The following OR6J1 variants were observed in gnomAD, a reference collection of about 807,000 sequenced individuals.
OR6J1 encodes olfactory receptor family 6 subfamily J member 1.
For synonymous variants in OR6J1, 109 were observed against 70.0 expected, an observed-to-expected ratio of 1.56 and a Z score of -2.78; for missense variants, 304 against 166.8, an observed-to-expected ratio of 1.82 and a Z score of -4.53.
At chr14:22,642,365 G>T (rs1249428528) in intron 1 of OR6J1, among the ~76,000 whole-genome samples, 1 of 121,504 alleles carries the variant, frequency 8.2e-6, no homozygotes, top group African/African-American at 3.6e-5. Context: ...TTGAGATGGA[G>T]TCTCGCTCTG....
intron 1 of OR6J1, among the ~76,000 whole-genome samples, chr14:22,637,940 G>A (rs1490514073): frequency 3.4e-5 from 3 of 87,408 alleles, no homozygotes; most frequent in Non-Finnish European, 6.5e-5. Flanking sequence ...CGCCCCGTCC[G>A]GGAGGTGAGG....
rs1281946447 is a variant in OR6J1 at position 22,644,081 on chromosome 14, G to A, written c.-28+17C>T. On this transcript the variant is annotated intron_variant, in intron 1 of 1. Coordinates refer to ENST00000540461, the MANE Select transcript of OR6J1 (RefSeq NM_001348233.2). ...CCCAGCCAGCCCCCAAATGCCAAAC[G>A]ATTGGTCTGCACTCACCTCGGCTAG... 1.1e-4 allele frequency: 16 copies of A among 152,344 alleles called. No individual in the cohort carries two copies. The highest frequency in any genetic ancestry group is 9.2e-4 in the Admixed American group (14 of 15,282). 9.4% of individuals were successfully genotyped at this position (152,344 alleles called of 1,614,324 possible).
At chr14:22,641,210 T>TAGA (rs1555310963) in intron 1 of OR6J1, among the ~76,000 whole-genome samples, 7 of 122,480 alleles carry the variant, frequency 5.7e-5, no homozygotes, top group Admixed American at 9.0e-5. Context: ...GAGAGAAAGA[T>TAGA]AAGAAAGAAA....
In OR6J1 at chr14:22,634,134, G is replaced by A. The variant is rs1566394034; in HGVS notation, c.678C>T (p.Arg226=). 4.3e-6 allele frequency: 3 copies of A among 703,348 alleles called. No individual in the cohort carries two copies. Among genetic ancestry groups the A allele is most frequent in the Non-Finnish European group, 7.8e-6 (3 of 384,960 alleles). The allele number at this position is 703,348 out of a possible 1,614,324, so 43.6% of individuals were successfully genotyped here. A position where few individuals can be genotyped will look rare whatever the true frequency, so the allele number is the denominator to read the frequency against. The change falls in exon 2 of 2, where the codon CGC becomes CGT. Residue 226 remains arginine (R), a synonymous_variant. Coordinates refer to ENST00000540461, the MANE Select transcript of OR6J1 (RefSeq NM_001348233.2). The part of the protein sequence containing the change: ...SYTYIILTIV[R]IPSASGRKKA... ...TCTTCCTTCCACTTGCAGAAGGAAT[G>A]CGCACTATGGTCAAGATGATGTACG... is the stretch of plus-strand genomic sequence containing the variant.
chr14:22,634,828 G>C lies in OR6J1; in HGVS notation c.-17C>G, dbSNP rs769309290. The C allele has an allele frequency of 1.5e-6, 1 of 662,086 alleles. No individual in the cohort carries two copies. The highest frequency in any genetic ancestry group is 1.7e-5 in the South Asian group (1 of 59,168). The allele number at this position is 662,086 out of a possible 1,614,324, so 41.0% of individuals were successfully genotyped here. A position where few individuals can be genotyped will look rare whatever the true frequency, so the allele number is the denominator to read the frequency against. Reference sequence around the variant, plus strand: ...GTTACCCATGGGCCTGGTGGGCCTGGCTCAATTCTCCTAACAGAACAAAGG... The same window carrying C: ...GTTACCCATGGGCCTGGTGGGCCTGCCTCAATTCTCCTAACAGAACAAAGG... On this transcript the variant is annotated 5_prime_UTR_variant, in exon 2 of 2. Coordinates refer to ENST00000540461, the MANE Select transcript of OR6J1 (RefSeq NM_001348233.2).
chr14:22,639,898 TG>T (rs1340023124), intron 1 of OR6J1, among the ~76,000 whole-genome samples: 1 of 111,728 alleles, frequency 9.0e-6, no homozygotes, highest in African/African-American at 4.3e-5. Context: ...TTTGTTCACT[TG>T]TTTATCTGCT....
chr14:22,638,274 A>G (rs1472964311), intron 1 of OR6J1, among the ~76,000 whole-genome samples: 2 of 61,124 alleles, frequency 3.3e-5, no homozygotes, highest in East Asian at 3.6e-4. Flanking sequence ...GGATAGAAGT[A>G]GACATGGGAG....
intron 1 of OR6J1, among the ~76,000 whole-genome samples, chr14:22,641,568 AAAG>A (rs1219209622): frequency 1.3e-3 from 46 of 34,096 alleles, no homozygotes; most frequent in Admixed American, 5.7e-3. Context: ...GAAAAAGAAA[AAAG>A]AAAGAAGGAA....
chr14:22,643,714 AACAC>A lies in OR6J1; in HGVS notation c.-28+380_-28+383del, dbSNP rs1183889876. 7.2e-3 allele frequency among the ~76,000 whole-genome samples: 606 copies of A among 83,938 alleles called. 5 individuals are homozygous for A. The highest frequency in any genetic ancestry group is 9.4e-3 in the Middle Eastern group (1 of 106). 55.1% of individuals were successfully genotyped at this position (83,938 alleles called of 152,430 possible). A position where few individuals can be genotyped will look rare whatever the true frequency, so the allele number is the denominator to read the frequency against. On this transcript the variant is annotated intron_variant, in intron 1 of 1. Coordinates refer to ENST00000540461, the MANE Select transcript of OR6J1 (RefSeq NM_001348233.2). ...AAGCCCTGACCCCTGGCATGGCAGA[AACAC>A]ACACACACACACACACACACACACA... is the stretch of plus-strand genomic sequence containing the variant.
At position 22,634,465 on chromosome 14, in the gene OR6J1, A is replaced by T. The variant is rs2037569667; in HGVS notation, c.347T>A (p.Val116Asp). ...LGTVEFLLLT[V>D]MSYDRYATIC... Reference sequence around the variant, plus strand: ...GGTGGCATAACGGTCATAGGACATGACCGTCAGCAGGAGGAACTCAACTGT... The same window carrying T: ...GGTGGCATAACGGTCATAGGACATGTCCGTCAGCAGGAGGAACTCAACTGT... Residue 116 changes from valine to aspartate, a missense_variant, in exon 2 of 2, where the codon GTC (valine) becomes GAC (aspartate). Val to Asp is a radical substitution (Grantham distance 152). Transcript: ENST00000540461. 1.4e-6 allele frequency: 1 copy of T among 703,350 alleles called. No individual in the cohort carries two copies. The highest frequency in any genetic ancestry group is 1.7e-5 in the African/African-American group (1 of 57,358). 43.6% of individuals were successfully genotyped at this position (703,350 alleles called of 1,614,324 possible).
chr14:22,643,517 G>A (rs536493431), intron 1 of OR6J1, among the ~76,000 whole-genome samples: 11 of 151,522 alleles, frequency 7.3e-5, no homozygotes, highest in Non-Finnish European at 1.3e-4. Flanking sequence ...GGCTGGTCTC[G>A]AACTCCTGGG....
chr14:22,637,584 T>TG (rs1248245122), intron 1 of OR6J1, among the ~76,000 whole-genome samples: 1 of 31,780 alleles, frequency 3.1e-5, no homozygotes, highest in African/African-American at 2.1e-4. Flanking sequence ...GGGAGGGAGG[T>TG]GGGGGGGTCA....
At chr14:22,635,133 G>C (rs545168358) in intron 1 of OR6J1, among the ~76,000 whole-genome samples, 9 of 152,300 alleles carry the variant, frequency 5.9e-5, no homozygotes, top group Admixed American at 3.3e-4. Context: ...CAAATTCTTA[G>C]ATTTGGAAAT....
rs1247626790 is a variant in OR6J1 at position 22,638,760 on chromosome 14, C to T, written c.-27-3922G>A. On this transcript the variant is annotated intron_variant, in intron 1 of 1. Transcript: ENST00000540461. ...AAAATATGACAATAACAAGTGTTGACGAGGATGTGGAGACTTAAAAAATTT... is the reference window on the plus strand; with the variant it reads ...AAAATATGACAATAACAAGTGTTGATGAGGATGTGGAGACTTAAAAAATTT... 3.3e-5 allele frequency among the ~76,000 whole-genome samples: 5 copies of T among 152,102 alleles called. 2 individuals are homozygous for T. In the South Asian group the frequency reaches 6.2e-4, roughly 19 times the overall value.
At chr14:22,643,217 C>T (rs1374156405) in intron 1 of OR6J1, among the ~76,000 whole-genome samples, 1 of 152,032 alleles carries the variant, frequency 6.6e-6, no homozygotes, top group African/African-American at 2.4e-5. Flanking sequence ...ATCCATCCAC[C>T]TCGGCCTCCC....
At chr14:22,636,983 G>A (rs1306463064) in intron 1 of OR6J1, among the ~76,000 whole-genome samples, 7 of 115,052 alleles carry the variant, frequency 6.1e-5, no homozygotes, top group East Asian at 2.2e-4. Flanking sequence ...GCCTCTTCCC[G>A]GCCGCCTTCC....
intron 1 of OR6J1, among the ~76,000 whole-genome samples, chr14:22,643,257 C>A (rs551217448): frequency 6.6e-6 from 1 of 151,002 alleles, no homozygotes; most frequent in South Asian, 2.1e-4. Context: ...CGTGAGCCAC[C>A]GTGCCTAGCC....
Position 22,632,282 on chromosome 14 carries a change from T to C in OR6J1, c.*1486A>G, listed in dbSNP as rs2037551711. 1.3e-5 allele frequency: 2 copies of C among 152,150 alleles called. No homozygotes were observed. The highest frequency in any genetic ancestry group is 6.5e-5 in the Admixed American group (1 of 15,272). The allele number at this position is 152,150 out of a possible 1,614,324, so 9.4% of individuals were successfully genotyped here. ...ACTAGGAATGCAGTTAAAAACAGAT[T>C]CTTGGCTGGGCGCAGTGGCTCATGC... On this transcript the variant is annotated 3_prime_UTR_variant, in exon 2 of 2. Coordinates refer to ENST00000540461, the MANE Select transcript of OR6J1 (RefSeq NM_001348233.2).
chr14:22,633,797 A>C lies in OR6J1; in HGVS notation c.1015T>G (p.Cys339Gly). ...HQGRACSSPP[C>G]VYSVKLQC ...CACTGGAGCTTTACAGAATAGACACATGGTGGAGAAGAGCAAGCCCTTCCT... is the reference window on the plus strand; with the variant it reads ...CACTGGAGCTTTACAGAATAGACACCTGGTGGAGAAGAGCAAGCCCTTCCT... Residue 339 changes from cysteine to glycine, a missense_variant, in exon 2 of 2, where the codon TGT becomes GGT. Transcript: ENST00000540461. 1 of 696,980 alleles carries C rather than the reference A, an allele frequency of 1.4e-6. No homozygotes were observed. The highest frequency in any genetic ancestry group is 2.7e-5 in the East Asian group (1 of 37,290). 43.2% of individuals were successfully genotyped at this position (696,980 alleles called of 1,614,324 possible).
Sources: allele counts gnomAD v4.1 joint callset (sites outside exome capture counted in the v4.1 genomes callset), GRCh38; gene constraint gnomAD v4.1.1; transcripts MANE v1.5; gene names NCBI Gene and HGNC (gene_info 2026-07-23, HGNC 2026-07-21).